CEP85L: variants seen among roughly 807,000 people sequenced by gnomAD.
CEP85L encodes the protein centrosomal protein of 85 kDa-like.
CEP85L carries 60 observed loss-of-function variants against 100.3 expected under a neutral mutation model. The observed-to-expected ratio is 0.60, with a 90% CI of 0.49 to 0.74. The LOEUF (loss-of-function observed/expected upper bound fraction) is 0.74, where lower values mean the gene tolerates loss of function less well. Among genes scored for constraint, CEP85L ranks in the 30% least tolerant of loss-of-function variants. The pLI, the probability that CEP85L is intolerant of heterozygous loss-of-function variation, is 0.00. For synonymous variants in CEP85L, 319 were observed against 322.7 expected (o/e 0.99, Z 0.12); for missense variants, 973 against 936.2 (o/e 1.04, Z -0.51).
chr6:118,685,661 T>TA (rs1168990193), intron 1 of CEP85L, among the ~76,000 whole-genome samples: 1 of 152,164 alleles, frequency 6.6e-6, no homozygotes, highest in Non-Finnish European at 1.5e-5. Context: ...AAGCACAACT[T>TA]AGACTTTCCT....
chr6:118,547,133 C>T (rs57622287), intron 3 of CEP85L, among the ~76,000 whole-genome samples: 5,105 of 152,100 alleles, frequency 0.034, 286 homozygotes, highest in African/African-American at 0.12. Context: ...ATTACAAGTA[C>T]CTCCTCTAAA....
chr6:118,625,313 C>A lies in CEP85L; in HGVS notation c.232+7140G>T, dbSNP rs559868614. On this transcript the variant is annotated intron_variant, in intron 2 of 12. Coordinates refer to ENST00000368491, the MANE Select transcript of CEP85L (RefSeq NM_001042475.3). ...GTTATGCTTTCTCTCATTTCTAGCA[C>A]CCCCATGTCCATTTATACCGAACAA... Among the ~76,000 whole-genome samples, 73 of 152,312 alleles carry A rather than the reference C, an allele frequency of 4.8e-4. 1 individual carries two copies. In the Middle Eastern group the frequency reaches 0.01, roughly 21 times the overall value.
chr6:118,630,598 G>C (rs1774082971), intron 2 of CEP85L, among the ~76,000 whole-genome samples: 1 of 152,200 alleles, frequency 6.6e-6, no homozygotes, highest in African/African-American at 2.4e-5. Flanking sequence ...ATATTACTCA[G>C]CACTAAAAGC....
intron 4 of CEP85L, among the ~76,000 whole-genome samples, chr6:118,514,016 G>A (rs570390925): frequency 2.4e-3 from 360 of 152,132 alleles, no homozygotes; most frequent in Admixed American, 3.5e-3. Context: ...ATGGAACTAT[G>A]CTTTATAAGA....
intron 2 of CEP85L, among the ~76,000 whole-genome samples, chr6:118,573,163 A>T (rs1780011958): frequency 6.6e-6 from 1 of 152,238 alleles, no homozygotes; most frequent in Non-Finnish European, 1.5e-5. Flanking sequence ...ACTGCAAAAC[A>T]TCAGACAATG....
At chr6:118,664,825 T>A (rs1583240033) in intron 1 of CEP85L, among the ~76,000 whole-genome samples, 1 of 152,178 alleles carries the variant, frequency 6.6e-6, no homozygotes, top group South Asian at 2.1e-4. Flanking sequence ...GCTCCAGCTA[T>A]CTCGGTAGTC....
chr6:118,617,713 T>A (rs983898321), intron 2 of CEP85L, among the ~76,000 whole-genome samples: 2 of 152,108 alleles, frequency 1.3e-5, no homozygotes, highest in Non-Finnish European at 2.9e-5. Flanking sequence ...TCATTCTCTC[T>A]CTTGGTCCAA....
At chr6:118,528,394 A>T (rs1777098526) in intron 3 of CEP85L, among the ~76,000 whole-genome samples, 1 of 152,118 alleles carries the variant, frequency 6.6e-6, no homozygotes, top group African/African-American at 2.4e-5. Context: ...AAAACAAAAT[A>T]TGAGAATGTA....
intron 1 of CEP85L, among the ~76,000 whole-genome samples, chr6:118,640,296 T>C (rs1039264494): frequency 2.0e-5 from 3 of 151,416 alleles, no homozygotes; most frequent in Admixed American, 6.6e-5. Flanking sequence ...GTGACTCCAA[T>C]AGTCTTAGTT....
intron 1 of CEP85L, among the ~76,000 whole-genome samples, chr6:118,641,794 C>A (rs1583212896): frequency 2.7e-5 from 4 of 150,698 alleles, no homozygotes; most frequent in African/African-American, 9.8e-5. Context: ...GCTGATGCCT[C>A]CCATGCACAC....
chr6:118,480,419 GTC>G lies in CEP85L; in HGVS notation c.1838_1839del (p.Arg613ThrfsTer4). The G allele has an allele frequency of 6.2e-7, 1 of 1,608,588 alleles. No individual in the cohort carries two copies. The highest frequency in any genetic ancestry group is 8.5e-7 in the Non-Finnish European group (1 of 1,175,876). On this transcript the variant is annotated frameshift_variant, in exon 9 of 13. Coordinates refer to ENST00000368491, the MANE Select transcript of CEP85L (RefSeq NM_001042475.3). LOFTEE classifies it high-confidence loss of function. ...ACCTTACTAGCAGTCTCATTTTGTT[GTC>G]TGAGATTATCATTTTCATTCTGAAG... The part of the protein sequence containing the change: ...KQLQNENDNL[R>X]QQNETASKII...
chr6:118,481,965 A>G, intron 7 of CEP85L, 32 bp from the exon 8 acceptor site: 1 of 1,383,738 alleles, frequency 7.2e-7, no homozygotes, highest in Non-Finnish European at 9.7e-7. Flanking sequence ...TTCATTACAC[A>G]TGAAATATTA....
At chr6:118,695,124 G>C (rs1037637192) in intron 1 of CEP85L, among the ~76,000 whole-genome samples, 1 of 152,088 alleles carries the variant, frequency 6.6e-6, no homozygotes, top group African/African-American at 2.4e-5. Context: ...TAATCCAATA[G>C]CATAAACCAT....
At chr6:118,539,388 T>C (rs992211441) in intron 3 of CEP85L, among the ~76,000 whole-genome samples, 7 of 152,172 alleles carry the variant, frequency 4.6e-5, no homozygotes, top group African/African-American at 1.7e-4. Context: ...CCTAGGCGTG[T>C]AGTTGTTAGT....
chr6:118,567,462 T>A (rs192306447), intron 2 of CEP85L, among the ~76,000 whole-genome samples: 1 of 151,908 alleles, frequency 6.6e-6, no homozygotes, highest in African/African-American at 2.4e-5. Flanking sequence ...GCAGACTAAA[T>A]GAAAGGCTGA....
chr6:118,680,579 T>C lies in CEP85L; in HGVS notation c.-27-27771A>G, dbSNP rs192651163. ...TCTGTAACTAATGATCTAACACAGC[T>C]AATAAAGACATTCTGGGCAGGGCAC... is the stretch of plus-strand genomic sequence containing the variant. On this transcript the variant is annotated intron_variant, in intron 1 of 13. Coordinates refer to the CEP85L transcript ENST00000368488. Among the ~76,000 whole-genome samples the C allele has an allele frequency of 2.0e-3, 296 of 151,560 alleles. 1 individual carries two copies. Among genetic ancestry groups the C allele is most frequent in the African/African-American group, 6.8e-3 (280 of 40,934 alleles).
intron 1 of CEP85L, among the ~76,000 whole-genome samples, chr6:118,690,126 A>G (rs1239477445): frequency 6.6e-6 from 1 of 152,070 alleles, no homozygotes; most frequent in Non-Finnish European, 1.5e-5. Flanking sequence ...TTGGCATTTG[A>G]TCTTATTTAG....
intron 1 of CEP85L, among the ~76,000 whole-genome samples, chr6:118,679,596 T>C (rs1377002150): frequency 6.6e-6 from 1 of 152,002 alleles, no homozygotes; most frequent in Non-Finnish European, 1.5e-5. Flanking sequence ...ACTTATGCAA[T>C]GCTAGTGTAA....
At chr6:118,596,716 C>A (rs1781475472) in intron 2 of CEP85L, among the ~76,000 whole-genome samples, 1 of 151,974 alleles carries the variant, frequency 6.6e-6, no homozygotes, top group Admixed American at 6.5e-5. Flanking sequence ...CAACCAGTAT[C>A]ATTCATTACC....
Sources: gnomAD v4.1 joint callset for allele counts (sites outside exome capture counted in the v4.1 genomes callset) on GRCh38, gnomAD v4.1.1 for gene constraint, MANE v1.5 for transcripts, NCBI Gene and HGNC (gene_info 2026-07-23, HGNC 2026-07-21) for gene names.